The following ANTXR2 variants were observed in gnomAD, a reference collection of about 807,000 sequenced individuals.
The protein encoded by ANTXR2 is ANTXR cell adhesion molecule 2.
A neutral mutation model predicts 73.7 loss-of-function variants in ANTXR2; 44 were observed. The observed-to-expected ratio is 0.60, with a 90% CI of 0.47 to 0.77. The LOEUF (loss-of-function observed/expected upper bound fraction) is 0.77, where lower values mean the gene tolerates loss of function less well. ANTXR2 is among the 30% of genes least tolerant of loss of function. ANTXR2 has a pLI of 0.00. For synonymous variants in ANTXR2, 217 were observed against 205.9 expected (o/e 1.05, Z -0.46); for missense variants, 604 against 592.5 (o/e 1.02, Z -0.20).
intron 14 of ANTXR2, among the ~76,000 whole-genome samples, chr4:79,980,198 A>C (rs1365859296): frequency 6.6e-6 from 1 of 152,222 alleles, no homozygotes; most frequent in African/African-American, 2.4e-5. Flanking sequence ...AAAGAAATTC[A>C]TTAGTTTTAG....
intron 10 of ANTXR2, 43 bp from the exon 11 acceptor site, chr4:80,019,019 C>A (rs1435935435): frequency 7.8e-7 from 1 of 1,282,838 alleles, no homozygotes; most frequent in Non-Finnish European, 1.0e-6. Context: ...CATTTAAAAC[C>A]AGAGGAGTAG....
chr4:80,000,074 T>A (rs529746175), intron 12 of ANTXR2, among the ~76,000 whole-genome samples: 2 of 152,010 alleles, frequency 1.3e-5, no homozygotes, highest in Non-Finnish European at 2.9e-5. Flanking sequence ...AGATATATAT[T>A]TTTTTCCACA....
chr4:80,070,029 T>C (rs1734712116), intron 2 of ANTXR2, among the ~76,000 whole-genome samples: 1 of 152,236 alleles, frequency 6.6e-6, no homozygotes, highest in Non-Finnish European at 1.5e-5. Context: ...AGGCATTTTT[T>C]ATTTTCTAAG....
At chr4:79,997,191 C>A (rs1730769569) in intron 12 of ANTXR2, among the ~76,000 whole-genome samples, 1 of 151,792 alleles carries the variant, frequency 6.6e-6, no homozygotes, top group African/African-American at 2.4e-5. Flanking sequence ...CTGCAGCCAG[C>A]TTGATGCAAT....
intron 16 of ANTXR2, among the ~76,000 whole-genome samples, chr4:79,925,958 A>G (rs1161939483): frequency 1.3e-5 from 2 of 152,110 alleles, no homozygotes; most frequent in African/African-American, 4.8e-5. Context: ...GACGAACTAT[A>G]CCTAACAAAG....
intron 16 of ANTXR2, among the ~76,000 whole-genome samples, chr4:79,927,652 C>T (rs992264035): frequency 3.9e-5 from 6 of 152,006 alleles, no homozygotes; most frequent in Admixed American, 2.0e-4. Flanking sequence ...GAATGTGGAA[C>T]CCACAGATAA....
chr4:80,044,325 TTACATAAA>T (rs1288924409), intron 7 of ANTXR2, among the ~76,000 whole-genome samples: 3 of 151,914 alleles, frequency 2.0e-5, no homozygotes, highest in African/African-American at 7.2e-5. Flanking sequence ...CTGAATATGT[TTACATAAA>T]AGACACATGC....
At position 79,985,372 on chromosome 4, in the gene ANTXR2, G is replaced by A. The variant is rs553647872; in HGVS notation, c.1042-509C>T. On this transcript the variant is annotated intron_variant, in intron 12 of 16. Coordinates refer to ENST00000403729, the MANE Select transcript of ANTXR2 (RefSeq NM_058172.6). ...CTCAAAAAAAAAAGAAAAAGAAAAA[G>A]AAAGAAAAAAAAGAAAAAGGTAGAA... 8.6e-5 allele frequency among the ~76,000 whole-genome samples: 13 copies of A among 151,330 alleles called. No individual in the cohort carries two copies. The East Asian group carries it at 2.3e-3, about 27-fold the overall frequency.
chr4:79,973,826 T>C (rs980488192), intron 16 of ANTXR2, among the ~76,000 whole-genome samples: 2 of 152,144 alleles, frequency 1.3e-5, no homozygotes, highest in African/African-American at 4.8e-5. Context: ...TCAAGTTGTC[T>C]AAAAGGTAAA....
chr4:80,044,293 T>C (rs1733414185), intron 7 of ANTXR2, among the ~76,000 whole-genome samples: 1 of 151,984 alleles, frequency 6.6e-6, no homozygotes, highest in Non-Finnish European at 1.5e-5. Context: ...GAATCATACT[T>C]TGATTGAGAT....
At chr4:79,911,192 G>A (rs900254148) in intron 16 of ANTXR2, among the ~76,000 whole-genome samples, 1 of 152,166 alleles carries the variant, frequency 6.6e-6, no homozygotes, top group Admixed American at 6.5e-5. Context: ...AATGGAATAT[G>A]ACAAGGCTTA....
At chr4:80,028,796 A>G (rs1732554798) in intron 10 of ANTXR2, among the ~76,000 whole-genome samples, 1 of 152,174 alleles carries the variant, frequency 6.6e-6, no homozygotes, top group South Asian at 2.1e-4. Flanking sequence ...GTTGATTTCA[A>G]TCCAATCTCA....
rs1035207319 is a variant in ANTXR2, at chr4:79,930,715, C to A, written c.1429-23248G>T. Among the ~76,000 whole-genome samples, 10 of 152,162 alleles carry A rather than the reference C, an allele frequency of 6.6e-5. 1 individual carries two copies. The highest frequency in any genetic ancestry group is 6.5e-4 in the Admixed American group (10 of 15,280). On this transcript the variant is annotated intron_variant, in intron 16 of 16. Coordinates refer to ENST00000403729, the MANE Select transcript of ANTXR2 (RefSeq NM_058172.6). ...AACGTGTAGTACCCATCTTTAGCAG[C>A]CCCTCTGCCCCAATTCTATTTCACT...
chr4:79,916,950 AG>A (rs1469505211), intron 16 of ANTXR2, among the ~76,000 whole-genome samples: 4 of 152,238 alleles, frequency 2.6e-5, no homozygotes, highest in Non-Finnish European at 5.9e-5. Flanking sequence ...GGTACAGAGT[AG>A]ACTGAATAAG....
chr4:79,947,132 GCAGTTCTT>G (rs1389491401), intron 16 of ANTXR2, among the ~76,000 whole-genome samples: 2 of 152,104 alleles, frequency 1.3e-5, no homozygotes, highest in African/African-American at 4.8e-5. Flanking sequence ...TAAGCTACTC[GCAGTTCTT>G]CAGTTCTTCC....
rs781352957 is a variant in ANTXR2 at position 80,008,601 on chromosome 4, C to T, written c.961G>A (p.Ala321Thr). 3.1e-6 allele frequency: 5 copies of T among 1,602,676 alleles called. No homozygotes were observed. The Admixed American group carries it at 6.9e-5, about 22-fold the overall frequency. ...TATECSNGIAAIIVILVLLLL... is the reference protein window; with the variant it reads ...TATECSNGIATIIVILVLLLL... Reference sequence around the variant, plus strand: ...AGTAACACCAAAATAACAATGATGGCTGCGATCCCGTTAGACTAAAGTAGG... The same window carrying T: ...AGTAACACCAAAATAACAATGATGGTTGCGATCCCGTTAGACTAAAGTAGG... Residue 321 changes from alanine (A) to threonine (T), a missense_variant, in exon 12 of 17, where the codon GCC becomes ACC. Ala to Thr is a moderately conservative substitution (Grantham distance 58, BLOSUM62 0). Transcript: ENST00000403729.
chr4:79,911,311 C>G (rs948979392), intron 16 of ANTXR2, among the ~76,000 whole-genome samples: 3 of 152,118 alleles, frequency 2.0e-5, no homozygotes, highest in Non-Finnish European at 4.4e-5. Context: ...CATCAAAGAA[C>G]TGTACAGAAT....
intron 16 of ANTXR2, among the ~76,000 whole-genome samples, chr4:79,953,514 C>A (rs1345926590): frequency 2.0e-5 from 3 of 152,060 alleles, no homozygotes; most frequent in African/African-American, 7.2e-5. Flanking sequence ...AAAATGATGG[C>A]TTTTCCATAG....
In ANTXR2 at chr4:80,004,833, C is replaced by A. The variant is rs139288762; in HGVS notation, c.1041+3688G>T. 4.6e-3 allele frequency among the ~76,000 whole-genome samples: 693 copies of A among 152,138 alleles called. 10 individuals carry two copies. The highest frequency in any genetic ancestry group is 0.016 in the African/African-American group (658 of 41,508). On this transcript the variant is annotated intron_variant, in intron 12 of 16. Transcript: ENST00000403729. ...AAGGAGGCTTTTTCAAACTGCATGA[C>A]CTCTGGAGCTGCCTCAGTCTACCCA...
Sources: allele counts gnomAD v4.1 joint callset (sites outside exome capture counted in the v4.1 genomes callset), GRCh38; gene constraint gnomAD v4.1.1; transcripts MANE v1.5; gene names NCBI Gene and HGNC (gene_info 2026-07-23, HGNC 2026-07-21).